DPY19L4: variants seen among roughly 807,000 people sequenced by gnomAD.
The protein encoded by DPY19L4 is dpy-19 like 4.
In DPY19L4, 97 loss-of-function variants were observed where a neutral mutation model predicts 102.8. The observed-to-expected ratio is 0.94, with a 90% CI of 0.80 to 1.12. The LOEUF is 1.12. Among genes scored for constraint, DPY19L4 ranks in the 50% most tolerant of loss-of-function variants. The probability of loss-of-function intolerance (pLI) is 0.00; values close to 1 mark genes in which losing one functional copy is unlikely to be tolerated. For missense variants in DPY19L4, 815 were observed against 850.4 expected, an observed-to-expected ratio of 0.96 and a Z score of 0.52; for synonymous variants, 252 against 283.1, an observed-to-expected ratio of 0.89 and a Z score of 1.10.
rs924751137 is a variant in DPY19L4, at chr8:94,739,752, A to G, written c.573A>G (p.Leu191=). The part of the protein sequence containing the change: ...VTSWLMSGTW[L]AGMLTVAWFV... ...GTTGGCTTATGAGTGGAACATGGCT[A>G]GCAGGAATGCTTACTGTTGCGTGGT... The change falls in exon 6 of 19, where the codon CTA becomes CTG. Residue 191 remains leucine, a synonymous_variant. Transcript: ENST00000414645. 8.7e-6 allele frequency: 14 copies of G among 1,612,894 alleles called. No individual in the cohort carries two copies. Among genetic ancestry groups the G allele is most frequent in the Non-Finnish European group, 1.2e-5 (14 of 1,180,028 alleles).
Position 94,781,056 on chromosome 8 carries a change from ATTTTTTTTT to A in DPY19L4, c.1633-18_1633-10del, listed in dbSNP as rs36116205. Reference sequence around the variant, plus strand: ...AATTACTGACATACATCTTTTGGGGATTTTTTTTTTTTTTTTTTGCATTTTAGTTTTTTC... The same window carrying A: ...AATTACTGACATACATCTTTTGGGGATTTTTTTTTGCATTTTAGTTTTTTC... On this transcript the variant is annotated intron_variant, in intron 15 of 18. Coordinates refer to ENST00000414645, the MANE Select transcript of DPY19L4 (RefSeq NM_181787.3). 2 of 1,200,970 alleles carry A rather than the reference ATTTTTTTTT, an allele frequency of 1.7e-6. No individual in the cohort carries two copies. Among genetic ancestry groups the A allele is most frequent in the Non-Finnish European group, 2.3e-6 (2 of 887,428 alleles). 74.4% of individuals were successfully genotyped at this position (1,200,970 alleles called of 1,614,324 possible).
At chr8:94,758,405 G>A (rs898706910) in intron 7 of DPY19L4, among the ~76,000 whole-genome samples, 1 of 152,150 alleles carries the variant, frequency 6.6e-6, no homozygotes, top group African/African-American at 2.4e-5. Context: ...GAAAGTGGGT[G>A]TATAGTCATA....
At chr8:94,777,559 G>C (rs1813238814) in intron 13 of DPY19L4, 107 bp from the exon 14 acceptor site, 1 of 1,360,372 alleles carries the variant, frequency 7.4e-7, no homozygotes, top group African/African-American at 1.5e-5. Flanking sequence ...CTGTCCCTTA[G>C]CATTTTGGTA....
chr8:94,732,302 TA>T (rs1355742649), intron 2 of DPY19L4, among the ~76,000 whole-genome samples: 3 of 152,218 alleles, frequency 2.0e-5, no homozygotes, highest in Non-Finnish European at 2.9e-5. Context: ...TTTAGTCCCT[TA>T]TTTTTTTTAT....
intron 18 of DPY19L4, among the ~76,000 whole-genome samples, chr8:94,789,094 T>C (rs1432456681): frequency 6.6e-6 from 1 of 152,226 alleles, no homozygotes; most frequent in East Asian, 1.9e-4. Flanking sequence ...GCTGTCTTGC[T>C]ATCTGCTCTC....
rs1813825138 is a variant in DPY19L4, at chr8:94,789,913, A to G, written c.*3A>G. The G allele has an allele frequency of 6.3e-7, 1 of 1,587,182 alleles. No individual in the cohort carries two copies. Among genetic ancestry groups the G allele is most frequent in the Non-Finnish European group, 8.5e-7 (1 of 1,172,462 alleles). Reference sequence around the variant, plus strand: ...CTGTGATATCCTTCCAGTCTTGAAAAATAACAGAGCCTTCATTTCAAAGAC... The same window carrying G: ...CTGTGATATCCTTCCAGTCTTGAAAGATAACAGAGCCTTCATTTCAAAGAC... On this transcript the variant is annotated 3_prime_UTR_variant, in exon 19 of 19. Coordinates refer to ENST00000414645, the MANE Select transcript of DPY19L4 (RefSeq NM_181787.3).
intron 6 of DPY19L4, among the ~76,000 whole-genome samples, chr8:94,743,594 G>A (rs569961345): frequency 7.2e-5 from 11 of 152,086 alleles, no homozygotes; most frequent in African/African-American, 2.4e-4. Context: ...TATTGACTGT[G>A]CCATACACTC....
chr8:94,773,571 C>T (rs181876746), intron 13 of DPY19L4, among the ~76,000 whole-genome samples: 18 of 152,080 alleles, frequency 1.2e-4, no homozygotes, highest in South Asian at 6.2e-4. Flanking sequence ...GCTGGGATTA[C>T]AGGCATGCGC....
intron 6 of DPY19L4, among the ~76,000 whole-genome samples, chr8:94,755,647 C>T (rs998534298): frequency 6.6e-6 from 1 of 151,930 alleles, no homozygotes; most frequent in Non-Finnish European, 1.5e-5. Flanking sequence ...GTAATCCCAG[C>T]ACTTTGGGAG....
Position 94,790,016 on chromosome 8 carries a change from C to A in DPY19L4, c.*106C>A. 1.8e-6 allele frequency: 2 copies of A among 1,098,778 alleles called. No homozygotes were observed. Among genetic ancestry groups the A allele is most frequent in the Non-Finnish European group, 2.6e-6 (2 of 767,354 alleles). The allele number at this position is 1,098,778 out of a possible 1,614,324, so 68.1% of individuals were successfully genotyped here. A position where few individuals can be genotyped will look rare whatever the true frequency, so the allele number is the denominator to read the frequency against. ...CAGAGTATGGACATTTGAAATATTG[C>A]TGCTTCTTTCCCCCTTCTGCTGTTA... On this transcript the variant is annotated 3_prime_UTR_variant, in exon 19 of 19. Coordinates refer to ENST00000414645, the MANE Select transcript of DPY19L4 (RefSeq NM_181787.3).
intron 6 of DPY19L4, among the ~76,000 whole-genome samples, chr8:94,741,907 G>A (rs1326793543): frequency 6.6e-6 from 1 of 152,172 alleles, no homozygotes; most frequent in Non-Finnish European, 1.5e-5. Context: ...AGAAAATCCA[G>A]TCTGGCAACT....
chr8:94,741,724 G>A (rs865860114), intron 6 of DPY19L4, among the ~76,000 whole-genome samples: 86 of 152,266 alleles, frequency 5.6e-4, no homozygotes, highest in African/African-American at 1.9e-3. Context: ...TTGGTTAATA[G>A]GAGTACCTTT....
chr8:94,763,311 T>C (rs1812479612), intron 8 of DPY19L4, among the ~76,000 whole-genome samples: 1 of 148,196 alleles, frequency 6.7e-6, no homozygotes, highest in Admixed American at 6.8e-5. Flanking sequence ...TTTTTTTCTG[T>C]CTTTTTGTTT....
intron 1 of DPY19L4, among the ~76,000 whole-genome samples, chr8:94,724,550 G>T (rs1057370565): frequency 6.6e-6 from 1 of 152,074 alleles, no homozygotes; most frequent in Admixed American, 6.6e-5. Context: ...AAAGTCTGGG[G>T]TATGTTTTTC....
chr8:94,769,033 G>A (rs1586395252), intron 12 of DPY19L4, among the ~76,000 whole-genome samples: 1 of 146,130 alleles, frequency 6.8e-6, no homozygotes, highest in Admixed American at 6.8e-5. Flanking sequence ...AAGTTGTATT[G>A]ACCAGAAAAA....
intron 16 of DPY19L4, among the ~76,000 whole-genome samples, chr8:94,781,915 G>A (rs1813447349): frequency 6.6e-6 from 1 of 152,100 alleles, no homozygotes; most frequent in Non-Finnish European, 1.5e-5. Flanking sequence ...AAGTGGTTTG[G>A]GGTTGGTCTG....
At chr8:94,780,294 C>CT (rs1813371332) in intron 14 of DPY19L4, 65 bp from the exon 15 acceptor site, 1 of 1,231,036 alleles carries the variant, frequency 8.1e-7, no homozygotes, top group African/African-American at 1.5e-5. Flanking sequence ...GAATCAGTGT[C>CT]TATTACCTCT....
chr8:94,727,204 GTTGTA>G (rs1387801747), intron 2 of DPY19L4, among the ~76,000 whole-genome samples: 4 of 152,228 alleles, frequency 2.6e-5, no homozygotes, highest in Admixed American at 1.3e-4. Flanking sequence ...TCAGAATGAA[GTTGTA>G]TTTACAGCTA....
intron 16 of DPY19L4, among the ~76,000 whole-genome samples, chr8:94,783,238 G>A (rs1034155858): frequency 8.7e-5 from 13 of 149,816 alleles, no homozygotes; most frequent in Admixed American, 7.9e-4. Flanking sequence ...CAGTGAAGGA[G>A]CAGGAGGAGA....
Sources: allele counts gnomAD v4.1 joint callset (sites outside exome capture counted in the v4.1 genomes callset), GRCh38; gene constraint gnomAD v4.1.1; transcripts MANE v1.5; gene names NCBI Gene and HGNC (gene_info 2026-07-23, HGNC 2026-07-21).